Variants in POU6F2 observed in about 807,000 individuals in gnomAD.
POU6F2 encodes POU domain, class 6, transcription factor 2.
A neutral mutation model predicts 71.3 loss-of-function variants in POU6F2; 31 were observed. The observed-to-expected ratio is 0.43, with a 90% CI of 0.33 to 0.59. The LOEUF (loss-of-function observed/expected upper bound fraction) is 0.59. Ranked by LOEUF, POU6F2 falls within the 20% of genes least tolerant of loss-of-function variation. The pLI is 0.04. For missense variants in POU6F2, 783 were observed against 856.8 expected (o/e 0.91, Z 1.07); for synonymous variants, 347 against 355.7 (o/e 0.98, Z 0.27).
intron 1 of POU6F2, among the ~76,000 whole-genome samples, chr7:38,987,880 A>G (rs1210340966): frequency 6.6e-6 from 1 of 152,110 alleles, no homozygotes; most frequent in Admixed American, 6.6e-5. Context: ...AGACTTCCAG[A>G]ATTGAGCCTA....
chr7:39,016,567 C>T (rs957326653), intron 1 of POU6F2, among the ~76,000 whole-genome samples: 3 of 151,988 alleles, frequency 2.0e-5, no homozygotes, highest in Non-Finnish European at 4.4e-5. Flanking sequence ...CCCCCGCTTA[C>T]AGTTCAGTAG....
chr7:39,039,637 T>C (rs1790139130), intron 1 of POU6F2, among the ~76,000 whole-genome samples: 1 of 151,882 alleles, frequency 6.6e-6, no homozygotes, highest in African/African-American at 2.4e-5. Flanking sequence ...AATGGAGGTA[T>C]GTTGGATTAA....
intron 1 of POU6F2, among the ~76,000 whole-genome samples, chr7:39,015,952 T>C (rs1339684194): frequency 5.9e-5 from 6 of 101,132 alleles, no homozygotes; most frequent in African/African-American, 2.5e-4. Context: ...ATATATATTA[T>C]ATATTGTATA....
intron 1 of POU6F2, among the ~76,000 whole-genome samples, chr7:39,052,354 T>C (rs146029541): frequency 2.6e-5 from 4 of 152,198 alleles, no homozygotes; most frequent in African/African-American, 9.6e-5. Flanking sequence ...GACTGGGTAA[T>C]TTATTAAGAA....
chr7:38,999,495 GTGTCAACTTTCA>G (rs1214058141), intron 1 of POU6F2, among the ~76,000 whole-genome samples: 4 of 152,106 alleles, frequency 2.6e-5, no homozygotes, highest in African/African-American at 9.7e-5. Flanking sequence ...TCTGTATGTG[GTGTCAACTTTCA>G]TGTCATAATA....
chr7:38,980,300 C>G (rs1788284939), intron 1 of POU6F2, among the ~76,000 whole-genome samples: 1 of 152,014 alleles, frequency 6.6e-6, no homozygotes, highest in South Asian at 2.1e-4. Flanking sequence ...AACTAGAATG[C>G]TGATTTTTTA....
intron 4 of POU6F2, among the ~76,000 whole-genome samples, chr7:39,311,889 G>A (rs1269246553): frequency 6.6e-6 from 1 of 152,154 alleles, no homozygotes; most frequent in Non-Finnish European, 1.5e-5. Context: ...CCTCAAAGAG[G>A]TAATGGCAAC....
chr7:39,210,036 T>C (rs1584603462), intron 4 of POU6F2, among the ~76,000 whole-genome samples: 2 of 152,310 alleles, frequency 1.3e-5, no homozygotes, highest in Admixed American at 1.3e-4. Flanking sequence ...GAAGGCTGTT[T>C]CCTTTCCCCC....
chr7:38,996,311 G>T (rs1367608047), intron 1 of POU6F2, among the ~76,000 whole-genome samples: 1 of 151,558 alleles, frequency 6.6e-6, no homozygotes, highest in Non-Finnish European at 1.5e-5. Flanking sequence ...ACAGTGCTGG[G>T]ATTATAGATG....
intron 5 of POU6F2, among the ~76,000 whole-genome samples, chr7:39,373,302 G>A (rs1430826955): frequency 6.6e-6 from 1 of 152,190 alleles, no homozygotes; most frequent in African/African-American, 2.4e-5. Flanking sequence ...ATAATGTTGG[G>A]ACGCTGAGCG....
rs140852419 is a variant in POU6F2 at position 39,149,697 on chromosome 7, C to T, written c.278-54538C>T. Among the ~76,000 whole-genome samples the T allele has an allele frequency of 2.9e-3, 435 of 152,214 alleles. 1 individual carries two copies. Among genetic ancestry groups the T allele is most frequent in the African/African-American group, 9.9e-3 (412 of 41,516 alleles). On this transcript the variant is annotated intron_variant, in intron 2 of 9. Coordinates refer to ENST00000518318, the MANE Select transcript of POU6F2 (RefSeq NM_001370959.1). ...TCCTCACCCTCTACCTCCTGCCGAT[C>T]GTAACCACTGTTTCATTCTCTGTGT...
intron 4 of POU6F2, among the ~76,000 whole-genome samples, chr7:39,250,391 A>G (rs1257239806): frequency 6.6e-6 from 1 of 152,182 alleles, no homozygotes; most frequent in African/African-American, 2.4e-5. Flanking sequence ...AGTGTGTAAC[A>G]ACATTGGATA....
intron 4 of POU6F2, among the ~76,000 whole-genome samples, chr7:39,311,296 A>C (rs1344057753): frequency 6.7e-6 from 1 of 148,950 alleles, no homozygotes; most frequent in Admixed American, 6.7e-5. Flanking sequence ...AAAAAAAAAA[A>C]CAAACACCAA....
chr7:39,266,226 G>A (rs1039396417), intron 4 of POU6F2, among the ~76,000 whole-genome samples: 1 of 152,196 alleles, frequency 6.6e-6, no homozygotes, highest in Non-Finnish European at 1.5e-5. Context: ...TGCTTAAAAA[G>A]TGTCCAAAAA....
intron 2 of POU6F2, among the ~76,000 whole-genome samples, chr7:39,089,256 T>C (rs74704740): frequency 0.012 from 1,753 of 152,338 alleles, 42 homozygotes; most frequent in African/African-American, 0.04. Context: ...CATTAAGTGA[T>C]GCATTATTTA....
At chr7:39,370,952 C>T (rs890536991) in intron 5 of POU6F2, among the ~76,000 whole-genome samples, 3 of 151,966 alleles carry the variant, frequency 2.0e-5, no homozygotes, top group Non-Finnish European at 4.4e-5. Flanking sequence ...TGTAGGTAGA[C>T]AGACAGACAG....
intron 2 of POU6F2, among the ~76,000 whole-genome samples, chr7:39,123,152 A>G (rs1210106491): frequency 1.3e-5 from 2 of 152,222 alleles, no homozygotes. Context: ...TGTCATGATG[A>G]TTGACAAATA....
chr7:39,441,116 A>G (rs942675055), intron 7 of POU6F2, among the ~76,000 whole-genome samples: 2 of 152,106 alleles, frequency 1.3e-5, no homozygotes, highest in African/African-American at 4.8e-5. Context: ...TGATGCCAGT[A>G]GGATCACTCC....
At chr7:39,005,483 C>CGTGTGTGTGTGTGTGTGT (rs1562664637) in intron 1 of POU6F2, among the ~76,000 whole-genome samples, 1 of 12,360 alleles carries the variant, frequency 8.1e-5, no homozygotes. Flanking sequence ...AAGGGAGAAA[C>CGTGTGTGTGTGTGTGTGT]CTGTGTGTGT....
Sources: allele counts gnomAD v4.1 joint callset (sites outside exome capture counted in the v4.1 genomes callset), GRCh38; gene constraint gnomAD v4.1.1; transcripts MANE v1.5; gene names NCBI Gene and HGNC (gene_info 2026-07-23, HGNC 2026-07-21).